Variants in TMEM178B observed in about 807,000 individuals in gnomAD.
TMEM178B encodes transmembrane protein 178B.
A neutral mutation model predicts 31.0 loss-of-function variants in TMEM178B; 5 were observed. The observed-to-expected ratio is 0.16, with a 90% CI of 0.08 to 0.34. TMEM178B has a LOEUF of 0.34. Ranked by LOEUF, TMEM178B falls within the 10% of genes least tolerant of loss-of-function variation. The pLI, the probability that TMEM178B is intolerant of heterozygous loss-of-function variation, is 1.00. For missense variants in TMEM178B, 275 were observed against 400.3 expected (o/e 0.69, Z 2.67); for synonymous variants, 164 against 164.0 (o/e 1.00, Z 0.00).
chr7:141,449,610 C>T (rs575751702), intron 3 of TMEM178B, among the ~76,000 whole-genome samples: 1 of 152,322 alleles, frequency 6.6e-6, no homozygotes, highest in South Asian at 2.1e-4. Flanking sequence ...GCTTAGAGCA[C>T]ATTCTCAGTG....
At chr7:141,333,349 C>T (rs1376203497) in intron 2 of TMEM178B, among the ~76,000 whole-genome samples, 3 of 152,200 alleles carry the variant, frequency 2.0e-5, no homozygotes, top group Non-Finnish European at 4.4e-5. Context: ...ATTAATAATT[C>T]CCTTTCTGGT....
intron 2 of TMEM178B, among the ~76,000 whole-genome samples, chr7:141,375,331 C>T (rs1167243851): frequency 6.6e-6 from 1 of 152,226 alleles, no homozygotes; most frequent in East Asian, 1.9e-4. Flanking sequence ...ATTTCAGGGT[C>T]ATTGTGATAT....
intron 2 of TMEM178B, among the ~76,000 whole-genome samples, chr7:141,299,936 CA>C (rs1208164324): frequency 6.6e-6 from 1 of 152,012 alleles, no homozygotes; most frequent in Admixed American, 6.6e-5. Context: ...AGACATGTGT[CA>C]TCATGTCTGG....
At chr7:141,156,109 T>G (rs1296866780) in intron 1 of TMEM178B, among the ~76,000 whole-genome samples, 1 of 152,156 alleles carries the variant, frequency 6.6e-6, no homozygotes, top group African/African-American at 2.4e-5. Context: ...TGACCCATTT[T>G]CAGTGACTCC....
At chr7:141,356,563 G>T (rs1799822800) in intron 2 of TMEM178B, among the ~76,000 whole-genome samples, 1 of 130,690 alleles carries the variant, frequency 7.7e-6, no homozygotes, top group South Asian at 2.5e-4. Flanking sequence ...TTTTAATGGG[G>T]TTATTTGTCT....
intron 2 of TMEM178B, among the ~76,000 whole-genome samples, chr7:141,425,591 AG>A (rs984453349): frequency 6.6e-6 from 1 of 152,152 alleles, no homozygotes; most frequent in African/African-American, 2.4e-5. Flanking sequence ...GCAGCGAGAA[AG>A]GGGCCATTCT....
Position 141,231,372 on chromosome 7 carries a change from A to T in TMEM178B, c.496+18668A>T, listed in dbSNP as rs770059542. Among the ~76,000 whole-genome samples the T allele has an allele frequency of 4.6e-5, 7 of 152,262 alleles. No individual in the cohort carries two copies. The East Asian group carries it at 1.3e-3, about 29-fold the overall frequency. On this transcript the variant is annotated intron_variant, in intron 2 of 3. Coordinates refer to ENST00000565468, the MANE Select transcript of TMEM178B (RefSeq NM_001195278.2). ...GTTTGAAATTAATCTACATTTTGCA[A>T]TTTGTACAAAAATGTAATTAGATTC...
At chr7:141,337,169 AC>A (rs1799429606) in intron 2 of TMEM178B, among the ~76,000 whole-genome samples, 1 of 90,152 alleles carries the variant, frequency 1.1e-5, no homozygotes, top group Non-Finnish European at 2.2e-5. Context: ...CACCACCACC[AC>A]CACCACCACC....
At chr7:141,218,862 CTCA>C (rs1399139554) in intron 2 of TMEM178B, among the ~76,000 whole-genome samples, 2 of 152,140 alleles carry the variant, frequency 1.3e-5, no homozygotes, top group African/African-American at 4.8e-5. Context: ...TCCCAGTGGA[CTCA>C]GCTGGCCAGT....
chr7:141,297,610 G>A (rs575668818), intron 2 of TMEM178B, among the ~76,000 whole-genome samples: 1 of 152,248 alleles, frequency 6.6e-6, no homozygotes, highest in South Asian at 2.1e-4. Flanking sequence ...TGTGGTGTTT[G>A]TTTTTCTGTC....
chr7:141,274,583 G>C (rs2116386147), intron 2 of TMEM178B, among the ~76,000 whole-genome samples: 1 of 152,270 alleles, frequency 6.6e-6, no homozygotes, highest in Non-Finnish European at 1.5e-5. Flanking sequence ...ATTCCAGGAG[G>C]GTCCTCACTT....
intron 2 of TMEM178B, among the ~76,000 whole-genome samples, chr7:141,338,173 A>C (rs1563155699): frequency 6.6e-6 from 1 of 152,130 alleles, no homozygotes; most frequent in Non-Finnish European, 1.5e-5. Context: ...ATTTTTGAAA[A>C]TCTGTGATAG....
At chr7:141,380,914 G>A (rs569574881) in intron 2 of TMEM178B, among the ~76,000 whole-genome samples, 24 of 152,288 alleles carry the variant, frequency 1.6e-4, no homozygotes, top group South Asian at 4.1e-4. Flanking sequence ...TATACATCTA[G>A]AAGAAAGCAG....
At chr7:141,384,620 C>T (rs1300213930) in intron 2 of TMEM178B, among the ~76,000 whole-genome samples, 1 of 152,198 alleles carries the variant, frequency 6.6e-6, no homozygotes, top group Non-Finnish European at 1.5e-5. Flanking sequence ...TTACTGTAGC[C>T]TTGCAGTACA....
chr7:141,288,998 G>T (rs906008828), intron 2 of TMEM178B, among the ~76,000 whole-genome samples: 3 of 152,160 alleles, frequency 2.0e-5, no homozygotes, highest in African/African-American at 4.8e-5. Context: ...TGCATTCAAA[G>T]ATAACCCTGG....
At chr7:141,232,061 T>C (rs1797456593) in intron 2 of TMEM178B, among the ~76,000 whole-genome samples, 1 of 152,136 alleles carries the variant, frequency 6.6e-6, no homozygotes, top group African/African-American at 2.4e-5. Context: ...ACATGCGGTG[T>C]TTGGTTTTCT....
At chr7:141,113,254 G>A (rs897602802) in intron 1 of TMEM178B, among the ~76,000 whole-genome samples, 2 of 152,180 alleles carry the variant, frequency 1.3e-5, no homozygotes, top group East Asian at 3.9e-4. Context: ...AGTCCATTTT[G>A]TTCTCACTCA....
intron 1 of TMEM178B, among the ~76,000 whole-genome samples, chr7:141,188,883 G>A (rs1242476695): frequency 1.3e-5 from 2 of 152,232 alleles, no homozygotes; most frequent in Non-Finnish European, 2.9e-5. Flanking sequence ...CCTGAAAAGA[G>A]CCAGCGTTAT....
Position 141,344,574 on chromosome 7 carries a change from C to CCCTCCCTT in TMEM178B, c.497-93031_497-93030insCCCTTCCT, listed in dbSNP as rs1799576493. Reference sequence around the variant, plus strand: ...CTCCCTCCCTCCATTCCTCCCTCCTCCCTTCCTTCCTTCCTTCCTTCCTTC... The same window carrying CCCTCCCTT: ...CTCCCTCCCTCCATTCCTCCCTCCTCCCTCCCTTCCTTCCTTCCTTCCTTCCTTCCTTC... On this transcript the variant is annotated intron_variant, in intron 2 of 3. Coordinates refer to ENST00000565468, the MANE Select transcript of TMEM178B (RefSeq NM_001195278.2). This position sits in a 1 kb window ranked among gnomAD's most constrained non-coding sequence, Gnocchi z 4.1. Among the ~76,000 whole-genome samples the CCCTCCCTT allele has an allele frequency of 1.5e-5, 2 of 137,236 alleles. No homozygotes were observed. Among genetic ancestry groups the CCCTCCCTT allele is most frequent in the African/African-American group, 5.5e-5 (2 of 36,058 alleles). The allele number at this position is 137,236 out of a possible 152,430, so 90.0% of individuals were successfully genotyped here.
Sources: gnomAD v4.1 joint callset for allele counts (sites outside exome capture counted in the v4.1 genomes callset) on GRCh38, gnomAD v4.1.1 for gene constraint, Gnocchi (gnomAD v3.1) non-coding constraint, MANE v1.5 for transcripts, NCBI Gene and HGNC (gene_info 2026-07-23, HGNC 2026-07-21) for gene names.